The following AMMECR1 variants were observed in gnomAD, a reference collection of about 807,000 sequenced individuals.
The protein encoded by AMMECR1 is nuclear protein AMMECR1.
In AMMECR1, 3 loss-of-function variants were observed where a neutral mutation model predicts 22.5. The ratio of observed to expected loss-of-function variants is 0.13; its 90% CI spans 0.06 to 0.35. The LOEUF is 0.35. AMMECR1 is among the 10% of genes least tolerant of loss of function. AMMECR1 has a pLI of 1.00. For synonymous variants in AMMECR1, 130 were observed against 116.7 expected (o/e 1.11, Z -0.74); for missense variants, 235 against 278.7 (o/e 0.84, Z 1.12).
intron 2 of AMMECR1, among the ~76,000 whole-genome samples, chrX:110,389,172 A>C (rs2068477834): frequency 8.9e-6 from 1 of 112,683 alleles, no homozygotes; most frequent in Non-Finnish European, 1.9e-5. Context: ...TAAAATGTGA[A>C]TGAATGAATG....
chrX:110,206,919 T>C (rs1427166373), intron 3 of AMMECR1, among the ~76,000 whole-genome samples: 2 of 112,302 alleles, frequency 1.8e-5, no homozygotes, highest in East Asian at 2.8e-4. Flanking sequence ...CGAAAGTTGT[T>C]TGACATGTCT....
intron 2 of AMMECR1, among the ~76,000 whole-genome samples, chrX:110,410,566 T>C (rs759182586): frequency 8.9e-6 from 1 of 112,248 alleles, no homozygotes; most frequent in Non-Finnish European, 1.9e-5. Flanking sequence ...TCAAGTAGCC[T>C]GAATGACTTC....
intron 2 of AMMECR1, among the ~76,000 whole-genome samples, chrX:110,247,691 CAAA>C: frequency 1.1e-5 from 1 of 88,773 alleles, no homozygotes. Flanking sequence ...AACCCTGTCT[CAAA>C]AAAAAAAAAA....
chrX:110,320,937 C>T (rs761658457), upstream of AMMECR1, among the ~76,000 whole-genome samples: 37 of 112,105 alleles, frequency 3.3e-4, no homozygotes, highest in Admixed American at 9.4e-4. Context: ...GAGCCTGGCT[C>T]ATCTCCCATA....
upstream of AMMECR1, among the ~76,000 whole-genome samples, chrX:110,320,284 G>C (rs1482620019): frequency 8.9e-6 from 1 of 111,754 alleles, no homozygotes; most frequent in Non-Finnish European, 1.9e-5. Context: ...AGGGTGTTTT[G>C]TTTTGTACTT....
At chrX:110,419,829 CA>C (rs1389332453) in intron 2 of AMMECR1, among the ~76,000 whole-genome samples, 1 of 112,216 alleles carries the variant, frequency 8.9e-6, no homozygotes, top group African/African-American at 3.2e-5. Flanking sequence ...TGAAATTAAA[CA>C]AAAGAAATAA....
At chrX:110,279,113 G>A (rs1362407936) in intron 1 of AMMECR1, among the ~76,000 whole-genome samples, 1 of 111,941 alleles carries the variant, frequency 8.9e-6, no homozygotes, top group African/African-American at 3.2e-5. Flanking sequence ...AGCTAAAGAT[G>A]AAGATATCTG....
intron 2 of AMMECR1, among the ~76,000 whole-genome samples, chrX:110,334,298 G>C (rs1032628958): frequency 8.9e-6 from 1 of 111,852 alleles, no homozygotes; most frequent in African/African-American, 3.3e-5. Flanking sequence ...TTCTAATTTG[G>C]TGTTGTTGGT....
intron 2 of AMMECR1, among the ~76,000 whole-genome samples, chrX:110,401,673 G>T (rs1052311884): frequency 9.0e-6 from 1 of 111,526 alleles, no homozygotes; most frequent in African/African-American, 3.3e-5. Context: ...TTTCTCAGAT[G>T]GCTGAGGGCC....
intron 1 of AMMECR1, among the ~76,000 whole-genome samples, chrX:110,269,434 G>T (rs1050543125): frequency 2.8e-5 from 3 of 108,368 alleles, no homozygotes; most frequent in Non-Finnish European, 5.7e-5. Flanking sequence ...AGATTTATAG[G>T]AGGCAACATT....
intron 3 of AMMECR1, among the ~76,000 whole-genome samples, chrX:110,210,139 T>C (rs2067440541): frequency 1.8e-5 from 2 of 110,636 alleles, no homozygotes. Flanking sequence ...CTTTACTTTG[T>C]ACAGCTTGCT....
intron 2 of AMMECR1, among the ~76,000 whole-genome samples, chrX:110,422,301 C>T (rs753090472): frequency 1.8e-5 from 2 of 112,948 alleles, no homozygotes; most frequent in African/African-American, 6.4e-5. Flanking sequence ...TTTCTGGCAG[C>T]CTTTTGTTGT....
chrX:110,240,511 A>G lies in AMMECR1; in HGVS notation c.585-23879T>C, dbSNP rs184983446. Among the ~76,000 whole-genome samples, 5 of 109,148 alleles carry G rather than the reference A, an allele frequency of 4.6e-5. No homozygotes were observed. In the East Asian group the frequency reaches 1.4e-3, roughly 31 times the overall value. 94.8% of individuals were successfully genotyped at this position (109,148 alleles called of 115,157 possible). A position where few individuals can be genotyped will look rare whatever the true frequency, so the allele number is the denominator to read the frequency against. On this transcript the variant is annotated intron_variant, in intron 2 of 5. Transcript: ENST00000262844. ...GCATTACATAATGGTAAAGGGATCA[A>G]TGCAACAAGAAGAGCTAACTATCCT... is the stretch of plus-strand genomic sequence containing the variant.
chrX:110,209,806 C>T (rs1036122930), intron 3 of AMMECR1, among the ~76,000 whole-genome samples: 2 of 110,553 alleles, frequency 1.8e-5, no homozygotes, highest in African/African-American at 6.6e-5. Context: ...TGGGCAGTGG[C>T]AGTCAGGAAC....
intron 2 of AMMECR1, among the ~76,000 whole-genome samples, chrX:110,232,854 C>A (rs1366709549): frequency 4.6e-5 from 4 of 86,845 alleles, no homozygotes; most frequent in African/African-American, 1.4e-4. Context: ...CGCGCCATTG[C>A]ACTCCAGCCT....
At chrX:110,211,209 C>T (rs901422965) in intron 3 of AMMECR1, among the ~76,000 whole-genome samples, 4 of 112,507 alleles carry the variant, frequency 3.6e-5, no homozygotes, top group Non-Finnish European at 5.6e-5. Flanking sequence ...AAGTAAAAGA[C>T]GCTTGATTAC....
chrX:110,258,458 C>T (rs2067721754), intron 2 of AMMECR1, among the ~76,000 whole-genome samples: 1 of 111,678 alleles, frequency 9.0e-6, no homozygotes, highest in South Asian at 3.7e-4. Context: ...ACCTAGGTTC[C>T]AAACTGTACC....
At chrX:110,412,852 G>A (rs1157781034) in intron 2 of AMMECR1, among the ~76,000 whole-genome samples, 1 of 112,365 alleles carries the variant, frequency 8.9e-6, no homozygotes, top group Non-Finnish European at 1.9e-5. Flanking sequence ...AAGACTGGAA[G>A]GATAGACAGA....
At chrX:110,201,124 T>G in intron 4 of AMMECR1, 74 bp from the exon 5 acceptor site, 8 of 649,518 alleles carry the variant, frequency 1.2e-5, no homozygotes, top group Middle Eastern at 3.5e-4. Context: ...ACAAAATGAC[T>G]TTGTAGAGGT....
Sources: gnomAD v4.1 joint callset for allele counts (sites outside exome capture counted in the v4.1 genomes callset) on GRCh38, gnomAD v4.1.1 for gene constraint, MANE v1.5 for transcripts, NCBI Gene and HGNC (gene_info 2026-07-23, HGNC 2026-07-21) for gene names.